The following ABCA12 variants were observed in gnomAD, a reference collection of about 807,000 sequenced individuals.
ABCA12 encodes the protein glucosylceramide transporter ABCA12.
A neutral mutation model predicts 293.5 loss-of-function variants in ABCA12; 156 were observed. That is an observed-to-expected ratio of 0.53 (90% CI 0.47 to 0.61). The LOEUF is 0.61. ABCA12 is among the 20% of genes least tolerant of loss of function. ABCA12 has a pLI of 0.00. For synonymous variants in ABCA12, 1,063 were observed against 1,108.0 expected (o/e 0.96, Z 0.81); for missense variants, 2,797 against 3,090.2 (o/e 0.91, Z 2.25).
Position 214,948,904 on chromosome 2 carries a change from C to T in ABCA12, c.6962+136G>A, listed in dbSNP as rs943852418. 1.1e-4 allele frequency: 121 copies of T among 1,150,020 alleles called. 3 individuals carry two copies. In the South Asian group the frequency reaches 1.6e-3, roughly 15 times the overall value. 71.2% of individuals were successfully genotyped at this position (1,150,020 alleles called of 1,614,324 possible). On this transcript the variant is annotated intron_variant, in intron 46 of 52. Coordinates refer to ENST00000272895, the MANE Select transcript of ABCA12 (RefSeq NM_173076.3). ...TTCACATTTAAACATTTAAACATTT[C>T]CACCCACCTTAATAGCTTTGTTCTC... is the stretch of plus-strand genomic sequence containing the variant.
At chr2:215,007,697 A>G (rs770454080) in intron 19 of ABCA12, 30 bp downstream of exon 19, 99 of 1,613,420 alleles carry the variant, frequency 6.1e-5, no homozygotes, top group Admixed American at 8.3e-5. Flanking sequence ...TCAAATTCCT[A>G]CTAAGTTGAA....
intron 2 of ABCA12, among the ~76,000 whole-genome samples, chr2:215,081,547 A>C (rs1219732979): frequency 3.3e-5 from 5 of 151,822 alleles, no homozygotes; most frequent in Non-Finnish European, 5.9e-5. Context: ...GAAAAGAAAC[A>C]AACAAAAAAA....
At chr2:215,127,115 TG>T in intron 1 of ABCA12, among the ~76,000 whole-genome samples, 2 of 152,350 alleles carry the variant, frequency 1.3e-5, no homozygotes, top group Admixed American at 1.3e-4. Flanking sequence ...AGGCTCCTTT[TG>T]GAGTTCATTT....
intron 9 of ABCA12, among the ~76,000 whole-genome samples, chr2:215,028,386 C>T (rs529603605): frequency 6.6e-6 from 1 of 152,180 alleles, no homozygotes; most frequent in Non-Finnish European, 1.5e-5. Context: ...AGAGGGCTGA[C>T]TCATTTAAAT....
intron 2 of ABCA12, among the ~76,000 whole-genome samples, chr2:215,078,077 G>A (rs1701867277): frequency 6.6e-6 from 1 of 152,290 alleles, no homozygotes; most frequent in Admixed American, 6.5e-5. Flanking sequence ...GGTAAAATTT[G>A]CTCAACTCCT....
intron 1 of ABCA12, among the ~76,000 whole-genome samples, chr2:215,114,896 C>T (rs971091801): frequency 1.3e-5 from 2 of 152,076 alleles, no homozygotes; most frequent in African/African-American, 4.8e-5. Flanking sequence ...AACTTCTATT[C>T]ATTTTCTATG....
chr2:215,049,775 T>C lies in ABCA12; in HGVS notation c.544A>G (p.Arg182Gly), dbSNP rs1559166864. The C allele has an allele frequency of 6.2e-7, 1 of 1,613,458 alleles. No individual in the cohort carries two copies. Among genetic ancestry groups the C allele is most frequent in the Middle Eastern group, 1.7e-4 (1 of 5,976 alleles). ...KQNSTSEDIR[R>G]ELCDSYSGYI... is the part of the protein sequence containing the mutation. The stretch of plus-strand genomic sequence containing the variant: ...CCTGAATAGCTGTCACATAGTTCTC[T>C]TCGTATATCTTCTGAAGTTGAATTT... Residue 182 changes from arginine to glycine, a missense_variant, in exon 6 of 53, where the codon AGA becomes GGA. This residue lies in a region of ABCA12 where 656 missense variants were observed against 638.2 expected (regional missense o/e 1.03). Transcript: ENST00000272895.
chr2:214,973,817 C>T, intron 36 of ABCA12, 132 bp downstream of exon 36: 4 of 784,866 alleles, frequency 5.1e-6, no homozygotes, highest in Non-Finnish European at 6.6e-6. Context: ...CTGCCCAGAT[C>T]CATATTTCTG....
chr2:215,118,401 CA>C lies in ABCA12; in HGVS notation c.70-6712del, dbSNP rs908615511. On this transcript the variant is annotated intron_variant, in intron 1 of 52. Transcript: ENST00000272895. Reference sequence around the variant, plus strand: ...TGGGTGACAGAGTGAGACTCCGTCTCAAAAAAAAATTAATTAATAAAAAAAG... The same window carrying C: ...TGGGTGACAGAGTGAGACTCCGTCTCAAAAAAAATTAATTAATAAAAAAAG... Among the ~76,000 whole-genome samples, 21 of 149,312 alleles carry C rather than the reference CA, an allele frequency of 1.4e-4. No homozygotes were observed. In the East Asian group the frequency reaches 2.2e-3, roughly 15 times the overall value.
rs747122599 is a variant in ABCA12 at position 215,049,677 on chromosome 2, G to C, written c.642C>G (p.Asn214Lys). Residue 214 changes from asparagine (N) to lysine (K), a missense_variant, in exon 6 of 53, where the codon AAC (asparagine) becomes AAG (lysine). By Grantham distance (94) the Asn-to-Lys change is moderately conservative (BLOSUM62 0). This residue lies in a region of ABCA12 where 656 missense variants were observed against 638.2 expected (regional missense o/e 1.03). Coordinates refer to ENST00000272895, the MANE Select transcript of ABCA12 (RefSeq NM_173076.3). ...RNVFNKFCLS[N>K]MTLLESSLQE... ...GGAGAGAAGACTCTAAAAGGGTCAT[G>C]TTAGAAAGGCAAAATTTGTTAAAAA... The C allele has an allele frequency of 2.5e-5, 40 of 1,613,630 alleles. No homozygotes were observed. The South Asian group carries it at 4.3e-4, about 17-fold the overall frequency.
chr2:215,000,517 C>A lies in ABCA12; in HGVS notation c.3179+188G>T, dbSNP rs1050623251. Among the ~76,000 whole-genome samples the A allele has an allele frequency of 2.0e-5, 3 of 152,292 alleles. No individual in the cohort carries two copies. The South Asian group carries it at 6.2e-4, about 32-fold the overall frequency. On this transcript the variant is annotated intron_variant, in intron 22 of 52. Transcript: ENST00000272895. ...GATCATTTGGTAAACACTTTACCAT[C>A]ATTTTGGTATTGATGAGCAGTTATG...
chr2:215,029,535 T>C (rs572337232), intron 9 of ABCA12, among the ~76,000 whole-genome samples: 1 of 152,268 alleles, frequency 6.6e-6, no homozygotes, highest in South Asian at 2.1e-4. Context: ...TGGCCTTATC[T>C]ACTAGATGGA....
chr2:214,932,664 A>G lies in ABCA12; in HGVS notation c.7758T>C (p.Val2586=). 1.9e-6 allele frequency: 3 copies of G among 1,613,582 alleles called. No individual in the cohort carries two copies. The highest frequency in any genetic ancestry group is 2.5e-6 in the Non-Finnish European group (3 of 1,179,686). ...ACTCCATCTGGTCATCTTGTGAGTCAACACTTATAGTGGAACCTTGGCTGC... is the reference window on the plus strand; with the variant it reads ...ACTCCATCTGGTCATCTTGTGAGTCGACACTTATAGTGGAACCTTGGCTGC... The part of the protein sequence containing the change: ...DTSSQGSTIS[V]DSQDDQMES Residue 2586 remains valine (V), a synonymous_variant, in exon 53 of 53, where the codon GTT becomes GTC. Coordinates refer to ENST00000272895, the MANE Select transcript of ABCA12 (RefSeq NM_173076.3).
Position 215,023,995 on chromosome 2 carries a change from G to T in ABCA12, c.1287+1678C>A, listed in dbSNP as rs755684499. On this transcript the variant is annotated intron_variant, in intron 11 of 52. Transcript: ENST00000272895. ...AGCCCTGTTTTCTGCCTATCACATG[G>T]GCATCTTCTGTTCCAGCTGAACACA... 6.6e-5 allele frequency among the ~76,000 whole-genome samples: 10 copies of T among 152,140 alleles called. No homozygotes were observed. The East Asian group carries it at 1.9e-3, about 29-fold the overall frequency.
chr2:215,110,740 C>G (rs535876187), intron 2 of ABCA12, among the ~76,000 whole-genome samples: 1 of 152,296 alleles, frequency 6.6e-6, no homozygotes, highest in East Asian at 1.9e-4. Context: ...TTTTTACTCT[C>G]TTTACAAAAT....
intron 40 of ABCA12, among the ~76,000 whole-genome samples, chr2:214,958,701 T>G (rs1699027618): frequency 6.6e-6 from 1 of 152,128 alleles, no homozygotes; most frequent in Non-Finnish European, 1.5e-5. Flanking sequence ...TCTCCAACGG[T>G]TACAGAGTCT....
At position 214,974,131 on chromosome 2, in the gene ABCA12, A is replaced by C. The variant is rs1699453991; in HGVS notation, c.5469-89T>G. 3 of 1,166,574 alleles carry C rather than the reference A, an allele frequency of 2.6e-6. No individual in the cohort carries two copies. In the East Asian group the frequency reaches 7.1e-5, roughly 28 times the overall value. The allele number at this position is 1,166,574 out of a possible 1,614,324, so 72.3% of individuals were successfully genotyped here. On this transcript the variant is annotated intron_variant, in intron 35 of 52. Transcript: ENST00000272895. ...AGCATGTAAACAAGTATTTGGTATT[A>C]AGTTCATGTGTGTAGTCACAGAACA...
chr2:215,031,262 T>C (rs560450151), intron 9 of ABCA12, among the ~76,000 whole-genome samples: 1 of 152,348 alleles, frequency 6.6e-6, no homozygotes, highest in South Asian at 2.1e-4. Flanking sequence ...AAATTTTGCA[T>C]TATCTTGTTT....
intron 52 of ABCA12, 34 bp from the exon 53 acceptor site, chr2:214,932,775 C>T: frequency 4.7e-6 from 7 of 1,479,474 alleles, no homozygotes; most frequent in Non-Finnish European, 6.6e-6. Flanking sequence ...CCATTAATGC[C>T]TGGTAAGCCA....
Sources: gnomAD v4.1 joint callset for allele counts (sites outside exome capture counted in the v4.1 genomes callset) on GRCh38, gnomAD v4.1.1 for gene constraint, gnomAD v4.1.1 regional missense constraint, MANE v1.5 for transcripts, NCBI Gene and HGNC (gene_info 2026-07-23, HGNC 2026-07-21) for gene names.